The following FHIT variants were observed in gnomAD, a reference collection of about 807,000 sequenced individuals.
The protein encoded by FHIT is bis(5'-adenosyl)-triphosphatase.
A neutral mutation model predicts 17.9 loss-of-function variants in FHIT; 19 were observed. That is an observed-to-expected ratio of 1.06 (90% CI 0.74 to 1.56). FHIT has a LOEUF of 1.56. Among genes scored for constraint, FHIT ranks in the 40% most tolerant of loss-of-function variants. The pLI is 0.00. For synonymous variants in FHIT, 81 were observed against 69.7 expected (o/e 1.16, Z -0.81); for missense variants, 248 against 189.2 (o/e 1.31, Z -1.82).
chr3:59,894,400 A>G (rs1703977863), intron 8 of FHIT, among the ~76,000 whole-genome samples: 1 of 152,232 alleles, frequency 6.6e-6, no homozygotes, highest in Non-Finnish European at 1.5e-5. Context: ...CACATAATTT[A>G]CACTTCATAA....
intron 8 of FHIT, among the ~76,000 whole-genome samples, chr3:59,818,383 T>C (rs1287400954): frequency 1.2e-4 from 18 of 152,066 alleles, no homozygotes; most frequent in South Asian, 2.1e-4. Flanking sequence ...AATTCACGGA[T>C]GTGGAAGGAA....
intron 3 of FHIT, among the ~76,000 whole-genome samples, chr3:61,001,853 C>T (rs1009477423): frequency 1.3e-5 from 2 of 152,152 alleles, no homozygotes; most frequent in South Asian, 2.1e-4. Flanking sequence ...TATGGATATG[C>T]ATTGTACTAA....
chr3:59,927,326 T>G (rs1705712406), intron 7 of FHIT, among the ~76,000 whole-genome samples: 1 of 152,128 alleles, frequency 6.6e-6, no homozygotes, highest in Non-Finnish European at 1.5e-5. Flanking sequence ...GGGTTTCTTT[T>G]GGGTTAATGG....
At chr3:60,616,806 A>G (rs1214481562) in intron 4 of FHIT, 2 of 152,218 alleles carry the variant, frequency 1.3e-5, no homozygotes, top group Non-Finnish European at 2.9e-5. Flanking sequence ...AAGCCAAAGT[A>G]AAAGCCATCT....
chr3:60,925,862 G>C (rs11921459), intron 3 of FHIT, among the ~76,000 whole-genome samples: 55,118 of 151,970 alleles, frequency 0.36, 10,844 homozygotes, highest in South Asian at 0.45. Flanking sequence ...GATGGAAGAA[G>C]ATCTACCAAG....
At chr3:61,084,491 T>C (rs188944052) in intron 2 of FHIT, among the ~76,000 whole-genome samples, 91 of 152,314 alleles carry the variant, frequency 6.0e-4, no homozygotes, top group African/African-American at 1.6e-3. Flanking sequence ...CTTGACCCTA[T>C]TGAGTCACCA....
At chr3:60,053,509 T>C (rs1010819577) in intron 5 of FHIT, among the ~76,000 whole-genome samples, 7 of 151,766 alleles carry the variant, frequency 4.6e-5, no homozygotes, top group Non-Finnish European at 7.4e-5. Flanking sequence ...TCATGTGAAC[T>C]GGCTATGGCA....
Position 60,674,532 on chromosome 3 carries a change from G to T in FHIT, c.-17-137553C>A, listed in dbSNP as rs571425874. On this transcript the variant is annotated intron_variant, in intron 4 of 9. Transcript: ENST00000492590. The stretch of plus-strand genomic sequence containing the variant: ...TATTGTCTTCCTTATAGGGTACTGA[G>T]TTTTTTTCTGGCAGGAAATTACATT... Among the ~76,000 whole-genome samples, 27 of 152,232 alleles carry T rather than the reference G, an allele frequency of 1.8e-4. No individual in the cohort carries two copies. In the South Asian group the frequency reaches 4.6e-3, roughly 26 times the overall value.
chr3:60,655,702 C>T (rs2040099198), intron 4 of FHIT, among the ~76,000 whole-genome samples: 1 of 152,106 alleles, frequency 6.6e-6, no homozygotes, highest in South Asian at 2.1e-4. Flanking sequence ...TCTGTCATGA[C>T]CCTAGATAAG....
intron 7 of FHIT, among the ~76,000 whole-genome samples, chr3:59,939,501 C>A (rs558474834): frequency 6.6e-5 from 10 of 152,078 alleles, no homozygotes; most frequent in African/African-American, 2.4e-4. Context: ...GAATTTGCGG[C>A]GCAGGAGGTG....
At chr3:59,834,925 T>A (rs1463937382) in intron 8 of FHIT, among the ~76,000 whole-genome samples, 2 of 152,202 alleles carry the variant, frequency 1.3e-5, no homozygotes, top group East Asian at 3.8e-4. Flanking sequence ...TTTCAACACA[T>A]TCCCAAATAG....
intron 4 of FHIT, among the ~76,000 whole-genome samples, chr3:60,543,907 C>CTTTTTTTTTTTTTTTGTTTTTTTT (rs2036271173): frequency 1.9e-5 from 1 of 52,076 alleles, no homozygotes; most frequent in Non-Finnish European, 3.0e-5. Context: ...CCACGCCCGG[C>CTTTTTTTTTTTTTTTGTTTTTTTT]TTTTTTTTTT....
At chr3:60,740,909 T>C (rs1553713718) in intron 4 of FHIT, among the ~76,000 whole-genome samples, 1 of 152,184 alleles carries the variant, frequency 6.6e-6, no homozygotes, top group African/African-American at 2.4e-5. Flanking sequence ...ACATTCTAAG[T>C]GGGTTTTTGT....
At chr3:60,553,530 GA>G (rs2107630154) in intron 4 of FHIT, 2 of 168,020 alleles carry the variant, frequency 1.2e-5, no homozygotes, top group East Asian at 1.9e-4. Flanking sequence ...TAGAGAGAGA[GA>G]GAGGGAGAGA....
chr3:60,211,655 G>A (rs892389260), intron 5 of FHIT, among the ~76,000 whole-genome samples: 2 of 152,170 alleles, frequency 1.3e-5, no homozygotes, highest in African/African-American at 4.8e-5. Flanking sequence ...TCGATATTCT[G>A]AGACTCTTGT....
intron 4 of FHIT, among the ~76,000 whole-genome samples, chr3:60,599,157 G>A (rs1178452284): frequency 2.0e-5 from 3 of 152,216 alleles, no homozygotes; most frequent in Admixed American, 6.5e-5. Flanking sequence ...CCCAATCCTC[G>A]ATCTTACAGA....
At chr3:61,078,760 G>A (rs1465070397) in intron 2 of FHIT, among the ~76,000 whole-genome samples, 1 of 152,076 alleles carries the variant, frequency 6.6e-6, no homozygotes, top group East Asian at 1.9e-4. Flanking sequence ...ACCACCTACC[G>A]CTTTTTATAT....
chr3:59,758,197 T>C (rs1371743575), intron 8 of FHIT, among the ~76,000 whole-genome samples: 1 of 152,044 alleles, frequency 6.6e-6, no homozygotes. Flanking sequence ...GAAGAAAGGG[T>C]AATTCTGGGC....
chr3:60,439,038 G>T (rs1027807537), intron 5 of FHIT, among the ~76,000 whole-genome samples: 1 of 152,216 alleles, frequency 6.6e-6, no homozygotes, highest in South Asian at 2.1e-4. Flanking sequence ...AAATCGAATT[G>T]GTGAGAGTGA....
Sources: allele counts gnomAD v4.1 joint callset (sites outside exome capture counted in the v4.1 genomes callset), GRCh38; gene constraint gnomAD v4.1.1; transcripts MANE v1.5; gene names NCBI Gene and HGNC (gene_info 2026-07-23, HGNC 2026-07-21).